The following NUB1 variants were observed in gnomAD, a reference collection of about 807,000 sequenced individuals.
The protein encoded by NUB1 is NEDD8 ultimate buster 1.
In NUB1, 41 loss-of-function variants were observed where a neutral mutation model predicts 77.1. The ratio of observed to expected loss-of-function variants is 0.53; its 90% CI spans 0.41 to 0.69. The LOEUF (loss-of-function observed/expected upper bound fraction) is 0.69. Ranked by LOEUF, NUB1 falls within the 30% of genes least tolerant of loss-of-function variation. NUB1 has a pLI of 0.00. For synonymous variants in NUB1, 257 were observed against 281.0 expected (o/e 0.91, Z 0.85); for missense variants, 643 against 743.8 (o/e 0.86, Z 1.58).
intron 5 of NUB1, among the ~76,000 whole-genome samples, chr7:151,354,048 A>G (rs1295017510): frequency 6.6e-6 from 1 of 152,208 alleles, no homozygotes; most frequent in Non-Finnish European, 1.5e-5. Context: ...CCCCAGGGCC[A>G]CAAGGATAGT....
chr7:151,370,084 G>C (rs537189776), intron 11 of NUB1, among the ~76,000 whole-genome samples: 3 of 151,720 alleles, frequency 2.0e-5, no homozygotes, highest in Admixed American at 2.0e-4. Context: ...CAGAGACTTT[G>C]AAAAGCTGAG....
chr7:151,347,155 A>T (rs1174077931), intron 2 of NUB1, among the ~76,000 whole-genome samples: 2 of 152,182 alleles, frequency 1.3e-5, no homozygotes, highest in Non-Finnish European at 2.9e-5. Flanking sequence ...GTATGTATAT[A>T]AATACAAAAA....
chr7:151,368,622 C>A, intron 10 of NUB1, 113 bp from the exon 11 acceptor site: 1 of 1,245,526 alleles, frequency 8.0e-7, no homozygotes, highest in Non-Finnish European at 1.1e-6. Context: ...TATCCAAAAT[C>A]TGATGCCTTT....
In NUB1 at chr7:151,377,336, G is replaced by A; in HGVS notation, c.*111G>A. The A allele has an allele frequency of 1.3e-6, 1 of 773,474 alleles. No individual in the cohort carries two copies. 47.9% of individuals were successfully genotyped at this position (773,474 alleles called of 1,614,324 possible). A position where few individuals can be genotyped will look rare whatever the true frequency, so the allele number is the denominator to read the frequency against. On this transcript the variant is annotated 3_prime_UTR_variant, in exon 15 of 15. Coordinates refer to ENST00000568733, the MANE Select transcript of NUB1 (RefSeq NM_001243351.2). Reference sequence around the variant, plus strand: ...TTATCTGAATTACAAGTCCTCTTTGGGTGTAGGAGGGGGTGGGCAGGGGAC... The same window carrying A: ...TTATCTGAATTACAAGTCCTCTTTGAGTGTAGGAGGGGGTGGGCAGGGGAC...
intron 7 of NUB1, among the ~76,000 whole-genome samples, chr7:151,356,710 GTTTTTTGTTTGT>G (rs957349898): frequency 1.3e-5 from 1 of 78,926 alleles, no homozygotes; most frequent in Non-Finnish European, 2.9e-5. Context: ...ATATCTGTGG[GTTTTTTGTTTGT>G]TTTTTTGTTT....
chr7:151,368,380 A>G (rs570590279), intron 10 of NUB1, among the ~76,000 whole-genome samples: 1 of 152,298 alleles, frequency 6.6e-6, no homozygotes, highest in Admixed American at 6.5e-5. Context: ...GCTGCATGCC[A>G]TTGACTTCGA....
rs1452519655 is a variant in NUB1, at chr7:151,377,523, A to ACAGGGGTCCTGGGGAAGGTGTCCAGGG, written c.*304_*330dup. ...CAGGAAGGAACAGGGGTCCTGTAGA[A>ACAGGGGTCCTGGGGAAGGTGTCCAGGG]CAGGGGTCCTGGGGAAGGTGTCCAG... On this transcript the variant is annotated 3_prime_UTR_variant, in exon 15 of 15. Coordinates refer to ENST00000568733, the MANE Select transcript of NUB1 (RefSeq NM_001243351.2). 5.1e-6 allele frequency: 1 copy of ACAGGGGTCCTGGGGAAGGTGTCCAGGG among 195,874 alleles called. No homozygotes were observed. The highest frequency in any genetic ancestry group is 2.3e-5 in the African/African-American group (1 of 42,808). 12.1% of individuals were successfully genotyped at this position (195,874 alleles called of 1,614,324 possible). A position where few individuals can be genotyped will look rare whatever the true frequency, so the allele number is the denominator to read the frequency against.
At chr7:151,373,478 C>G (rs1033861420) in intron 11 of NUB1, among the ~76,000 whole-genome samples, 1 of 152,200 alleles carries the variant, frequency 6.6e-6, no homozygotes, top group Non-Finnish European at 1.5e-5. Context: ...GCAGGCAACT[C>G]TGAGAAACAG....
At chr7:151,355,652 G>A (rs1319363275) in intron 5 of NUB1, 116 bp from the exon 6 acceptor site, 2 of 1,033,560 alleles carry the variant, frequency 1.9e-6, no homozygotes, top group African/African-American at 3.2e-5. Flanking sequence ...CAGCCTGGGT[G>A]ACAGAGTGAG....
At chr7:151,347,856 G>T (rs776421232) in intron 2 of NUB1, among the ~76,000 whole-genome samples, 2 of 152,082 alleles carry the variant, frequency 1.3e-5, no homozygotes, top group Non-Finnish European at 2.9e-5. Flanking sequence ...CGTACTACAT[G>T]GTATTACATT....
Position 151,366,404 on chromosome 7 carries a change from G to C in NUB1, c.801-535G>C, listed in dbSNP as rs62490280. Among the ~76,000 whole-genome samples the C allele has an allele frequency of 4.7e-3, 716 of 152,182 alleles. 4 individuals are homozygous for C. Among genetic ancestry groups the C allele is most frequent in the Admixed American group, 0.01 (160 of 15,292 alleles). ...TTTTTTTGGTGTCTTTAAAGAAGTGGTGTTCAGCCCTGGCTGTACACTAGA... is the reference window on the plus strand; with the variant it reads ...TTTTTTTGGTGTCTTTAAAGAAGTGCTGTTCAGCCCTGGCTGTACACTAGA... On this transcript the variant is annotated intron_variant, in intron 8 of 14. Coordinates refer to ENST00000568733, the MANE Select transcript of NUB1 (RefSeq NM_001243351.2).
In NUB1 at chr7:151,375,968, C is replaced by A. The variant is rs376361966; in HGVS notation, c.1491+25C>A. 9.5e-6 allele frequency: 14 copies of A among 1,471,024 alleles called. No homozygotes were observed. The Admixed American group carries it at 2.2e-4, about 23-fold the overall frequency. The allele number at this position is 1,471,024 out of a possible 1,614,324, so 91.1% of individuals were successfully genotyped here. On this transcript the variant is annotated intron_variant, in intron 13 of 14. Transcript: ENST00000568733. ...AGTGAGTGACAGGCCTTTGTGCCCT[C>A]AGCTTGGACAGCCTCGGGTGGGGTT...
At chr7:151,369,003 A>C in intron 11 of NUB1, 116 bp downstream of exon 11, 1 of 1,176,602 alleles carries the variant, frequency 8.5e-7, no homozygotes. Context: ...AAGGAAGGAG[A>C]AACTTGTCCT....
At chr7:151,341,869 T>TC in intron 1 of NUB1, 23 bp downstream of exon 1, 1 of 1,493,838 alleles carries the variant, frequency 6.7e-7, no homozygotes, top group Non-Finnish European at 8.8e-7. Context: ...CGGCCGAGTG[T>TC]CCTCGACCCC....
intron 1 of NUB1, among the ~76,000 whole-genome samples, chr7:151,342,912 T>C (rs534524740): frequency 6.6e-6 from 1 of 152,268 alleles, no homozygotes; most frequent in South Asian, 2.1e-4. Context: ...TGACCTCAGG[T>C]GATCCACTGG....
chr7:151,358,373 A>G (rs1797186990), intron 7 of NUB1, among the ~76,000 whole-genome samples: 1 of 152,170 alleles, frequency 6.6e-6, no homozygotes, highest in South Asian at 2.1e-4. Context: ...AGGGGTTCCC[A>G]CCCCACAGGC....
chr7:151,349,744 C>T (rs559428619), intron 3 of NUB1, among the ~76,000 whole-genome samples: 4 of 152,358 alleles, frequency 2.6e-5, no homozygotes, highest in Admixed American at 6.5e-5. Context: ...TGGGACTGAT[C>T]GATGCCAGCA....
At chr7:151,351,996 G>GT (rs1796823583) in intron 4 of NUB1, 1 of 427,848 alleles carries the variant, frequency 2.3e-6, no homozygotes, top group Admixed American at 2.6e-5. Flanking sequence ...TCATCTCCTT[G>GT]TATGTTTTAA....
rs530535663 is a variant in NUB1, at chr7:151,371,895, T to C, written c.1249-2202T>C. ...GCTGATTTTTATTTTTTTGTAGAAA[T>C]GGGGTCTCACCATGTTGCCCAGGCC... On this transcript the variant is annotated intron_variant, in intron 11 of 14. Coordinates refer to ENST00000568733, the MANE Select transcript of NUB1 (RefSeq NM_001243351.2). Among the ~76,000 whole-genome samples, 90 of 152,286 alleles carry C rather than the reference T, an allele frequency of 5.9e-4. No homozygotes were observed. In the South Asian group the frequency reaches 6.4e-3, roughly 11 times the overall value.
Sources: allele counts gnomAD v4.1 joint callset (sites outside exome capture counted in the v4.1 genomes callset), GRCh38; gene constraint gnomAD v4.1.1; transcripts MANE v1.5; gene names NCBI Gene and HGNC (gene_info 2026-07-23, HGNC 2026-07-21).